PPP1R12B: variants seen among roughly 807,000 people sequenced by gnomAD.
PPP1R12B encodes myosin phosphatase target subunit 2.
In PPP1R12B, 76 loss-of-function variants were observed where a neutral mutation model predicts 126.1. That is an observed-to-expected ratio of 0.60 (90% CI 0.50 to 0.73). PPP1R12B has a LOEUF of 0.73. PPP1R12B is among the 30% of genes least tolerant of loss of function. The pLI, the probability that PPP1R12B is intolerant of heterozygous loss-of-function variation, is 0.00. For synonymous variants in PPP1R12B, 356 were observed against 434.7 expected (o/e 0.82, Z 2.25); for missense variants, 1,052 against 1,205.1 (o/e 0.87, Z 1.88).
At chr1:202,569,347 C>T (rs1688369520) in intron 23 of PPP1R12B, 150 bp downstream of exon 23, 2 of 796,610 alleles carry the variant, frequency 2.5e-6, no homozygotes, top group Non-Finnish European at 4.0e-6. Context: ...AGCATCTCTC[C>T]TCAGCCATTT....
intron 18 of PPP1R12B, among the ~76,000 whole-genome samples, chr1:202,548,985 C>T: frequency 6.6e-6 from 1 of 151,958 alleles, no homozygotes; most frequent in African/African-American, 2.4e-5. Flanking sequence ...ACAAAAGCAT[C>T]CCCTGTCCCA....
intron 13 of PPP1R12B, among the ~76,000 whole-genome samples, chr1:202,462,082 A>G (rs1674374132): frequency 6.6e-6 from 1 of 152,186 alleles, no homozygotes; most frequent in Admixed American, 6.6e-5. Context: ...TAAGGTGAGC[A>G]TGTTTTAAAA....
At chr1:202,423,447 C>T (rs1204706564) in intron 3 of PPP1R12B, among the ~76,000 whole-genome samples, 3 of 152,080 alleles carry the variant, frequency 2.0e-5, no homozygotes, top group East Asian at 1.9e-4. Flanking sequence ...ACTTTTAGAA[C>T]AGTCAGGGCC....
intron 15 of PPP1R12B, among the ~76,000 whole-genome samples, chr1:202,494,257 TA>T (rs1344463541): frequency 2.6e-5 from 4 of 152,208 alleles, no homozygotes; most frequent in Non-Finnish European, 4.4e-5. Flanking sequence ...TCTAAGCACC[TA>T]ACACACATTT....
In PPP1R12B at chr1:202,583,570, T is replaced by G. The variant is rs180984344; in HGVS notation, c.*3010T>G. 4.4e-4 allele frequency: 67 copies of G among 152,350 alleles called. No homozygotes were observed. Among genetic ancestry groups the G allele is most frequent in the African/African-American group, 1.5e-3 (61 of 41,580 alleles). The allele number at this position is 152,350 out of a possible 1,614,324, so 9.4% of individuals were successfully genotyped here. The stretch of plus-strand genomic sequence containing the variant: ...CTGATTTCTGGTCTATCTCCAGAGA[T>G]AAAATACCATTCCTTCACAACTGTA... On this transcript the variant is annotated 3_prime_UTR_variant, in exon 24 of 24. Transcript: ENST00000608999.
intron 1 of PPP1R12B, among the ~76,000 whole-genome samples, chr1:202,363,440 A>T (rs1642569913): frequency 2.0e-5 from 3 of 152,220 alleles, no homozygotes; most frequent in Non-Finnish European, 4.4e-5. Context: ...GATAATCAAG[A>T]CCTTGTCATT....
chr1:202,562,707 C>A, intron 19 of PPP1R12B, 71 bp from the exon 20 acceptor site: 1 of 1,496,990 alleles, frequency 6.7e-7, no homozygotes, highest in Non-Finnish European at 9.3e-7. Context: ...GCAAACTACC[C>A]CTGAGCATTA....
intron 18 of PPP1R12B, among the ~76,000 whole-genome samples, chr1:202,546,247 G>A (rs890726405): frequency 6.6e-6 from 1 of 152,172 alleles, no homozygotes; most frequent in Non-Finnish European, 1.5e-5. Context: ...ATAAGGATGA[G>A]CCTGAGAGAG....
chr1:202,567,208 A>G lies in PPP1R12B; in HGVS notation c.2758-570A>G, dbSNP rs532553273. The stretch of plus-strand genomic sequence containing the variant: ...GTTCAAAGCAGGGCAGATGCCATGA[A>G]TGGACTCCTAAGAACCCCTTAAAGC... On this transcript the variant is annotated intron_variant, in intron 21 of 23. Coordinates refer to ENST00000608999, the MANE Select transcript of PPP1R12B (RefSeq NM_002481.4). Among the ~76,000 whole-genome samples, 26 of 152,326 alleles carry G rather than the reference A, an allele frequency of 1.7e-4. No individual in the cohort carries two copies. In the South Asian group the frequency reaches 5.4e-3, roughly 32 times the overall value.
chr1:202,505,219 C>G (rs1286664190), intron 18 of PPP1R12B, among the ~76,000 whole-genome samples: 1 of 152,184 alleles, frequency 6.6e-6, no homozygotes, highest in Non-Finnish European at 1.5e-5. Flanking sequence ...TGTTTGGAAC[C>G]TGTTAAGCAT....
chr1:202,439,276 T>A, intron 10 of PPP1R12B: 2 of 1,424,312 alleles, frequency 1.4e-6, no homozygotes, highest in Non-Finnish European at 2.0e-6. Context: ...GGCAAGATAC[T>A]GGCCCAGCAG....
chr1:202,504,837 TA>T, intron 18 of PPP1R12B, among the ~76,000 whole-genome samples: 1 of 152,306 alleles, frequency 6.6e-6, no homozygotes, highest in Middle Eastern at 3.4e-3. Context: ...TCCTCATCTG[TA>T]AAGTAGGGAT....
chr1:202,474,290 ATTT>A (rs752137864), intron 13 of PPP1R12B, among the ~76,000 whole-genome samples: 1 of 144,152 alleles, frequency 6.9e-6, no homozygotes, highest in Non-Finnish European at 1.5e-5. Flanking sequence ...AACAAATTGC[ATTT>A]TTTTTTTTTT....
intron 18 of PPP1R12B, among the ~76,000 whole-genome samples, chr1:202,548,656 G>T (rs1251525553): frequency 2.0e-5 from 3 of 151,764 alleles, no homozygotes; most frequent in Non-Finnish European, 4.4e-5. Flanking sequence ...TTTAAAATAG[G>T]TGTGGTGGTG....
chr1:202,451,802 AC>A (rs1285916845), intron 13 of PPP1R12B, among the ~76,000 whole-genome samples: 2 of 140,808 alleles, frequency 1.4e-5, no homozygotes, highest in African/African-American at 5.5e-5. Context: ...GTGGGGGCTG[AC>A]CCCCCACCTC....
At chr1:202,363,125 T>C (rs868463886) in intron 1 of PPP1R12B, among the ~76,000 whole-genome samples, 5 of 152,216 alleles carry the variant, frequency 3.3e-5, no homozygotes, top group African/African-American at 1.2e-4. Context: ...TGAGCCACCA[T>C]ATCCAGCCTG....
intron 10 of PPP1R12B, chr1:202,439,455 G>A (rs561794758): frequency 1.3e-3 from 1,783 of 1,412,034 alleles, no homozygotes; most frequent in Non-Finnish European, 1.5e-3. Context: ...CTGGCTGCCC[G>A]CCAAGTGCCC....
Position 202,493,130 on chromosome 1 carries a change from A to G in PPP1R12B, c.1958A>G (p.Asp653Gly). Residue 653 changes from aspartate to glycine, a missense_variant, in exon 15 of 24, where the codon GAC becomes GGC. Transcript: ENST00000608999. ...RRSTQGVTLTDLQEAERTFSR... is the reference protein window; with the variant it reads ...RRSTQGVTLTGLQEAERTFSR... Reference sequence around the variant, plus strand: ...TTTTCCCAGGGTGTCACCCTAACAGACCTTCAAGAAGCAGAAAGGACATTC... The same window carrying G: ...TTTTCCCAGGGTGTCACCCTAACAGGCCTTCAAGAAGCAGAAAGGACATTC... 1 of 1,612,002 alleles carries G rather than the reference A, an allele frequency of 6.2e-7. No individual in the cohort carries two copies. Among genetic ancestry groups the G allele is most frequent in the Non-Finnish European group, 8.5e-7 (1 of 1,179,826 alleles).
intron 23 of PPP1R12B, among the ~76,000 whole-genome samples, chr1:202,573,037 C>T (rs896920816): frequency 6.6e-6 from 1 of 152,198 alleles, no homozygotes; most frequent in Non-Finnish European, 1.5e-5. Flanking sequence ...ATGTTATTCC[C>T]TGGGAGGTAA....
Sources: gnomAD v4.1 joint callset for allele counts (sites outside exome capture counted in the v4.1 genomes callset) on GRCh38, gnomAD v4.1.1 for gene constraint, MANE v1.5 for transcripts, NCBI Gene and HGNC (gene_info 2026-07-23, HGNC 2026-07-21) for gene names.